TRAPPC9: variants seen among roughly 807,000 people sequenced by gnomAD.
TRAPPC9 encodes IKK2 binding protein.
TRAPPC9 carries 83 observed loss-of-function variants against 124.0 expected under a neutral mutation model. That is an observed-to-expected ratio of 0.67 (90% CI 0.56 to 0.80). The LOEUF (loss-of-function observed/expected upper bound fraction) is 0.80, where lower values mean the gene tolerates loss of function less well. Among genes scored for constraint, TRAPPC9 ranks in the 30% least tolerant of loss-of-function variants. TRAPPC9 has a pLI of 0.00. For synonymous variants in TRAPPC9, 638 were observed against 617.5 expected, an observed-to-expected ratio of 1.03 and a Z score of -0.49; for missense variants, 1,302 against 1,508.3, an observed-to-expected ratio of 0.86 and a Z score of 2.27.
intron 19 of TRAPPC9, among the ~76,000 whole-genome samples, chr8:139,979,783 G>A (rs912501029): frequency 2.0e-5 from 3 of 152,182 alleles, no homozygotes; most frequent in African/African-American, 7.2e-5. Context: ...ACAGGACAGT[G>A]CCCCTCACAG....
chr8:140,187,531 C>T (rs2062379960), intron 17 of TRAPPC9, among the ~76,000 whole-genome samples: 1 of 152,170 alleles, frequency 6.6e-6, no homozygotes, highest in African/African-American at 2.4e-5. Context: ...AATTCCAGTT[C>T]TTCACTTGGA....
chr8:140,338,316 T>C (rs916586801), intron 9 of TRAPPC9, among the ~76,000 whole-genome samples: 1 of 152,178 alleles, frequency 6.6e-6, no homozygotes, highest in African/African-American at 2.4e-5. Flanking sequence ...ACATTTCATA[T>C]GTGTCCGCTC....
At chr8:140,033,661 T>TTTTTTTG (rs1840658880) in intron 17 of TRAPPC9, among the ~76,000 whole-genome samples, 1 of 30,986 alleles carries the variant, frequency 3.2e-5, no homozygotes, top group African/African-American at 3.9e-4. Flanking sequence ...TAATGTGGTT[T>TTTTTTTG]TTTTTTTTTT....
intron 17 of TRAPPC9, among the ~76,000 whole-genome samples, chr8:140,150,245 C>T (rs1349482308): frequency 6.6e-6 from 1 of 152,164 alleles, no homozygotes; most frequent in Non-Finnish European, 1.5e-5. Flanking sequence ...GCCAGGAGCT[C>T]GAGACCAGCC....
rs959131870 is a variant in TRAPPC9, at chr8:139,988,775, T to C, written c.2761A>G (p.Ser921Gly). Residue 921 changes from serine to glycine, a missense_variant, in exon 19 of 23, where the codon AGC (serine) becomes GGC (glycine). Physicochemically the swap from Ser to Gly is moderately conservative, Grantham distance 56 (BLOSUM62 0). Around this residue, in one of 3 missense-constraint regions of TRAPPC9, gnomAD observed 640 missense variants for 679.3 expected, o/e 0.94. Transcript: ENST00000438773. ...FNSTEHELTV[S>G]TRSSEALILH... ...ATGAGTGCCTCGCTGCTCCTGGTGC[T>C]GACGGTCAGCTCATGCTCGGTGGAG... The C allele has an allele frequency of 5.8e-6, 9 of 1,551,518 alleles. No homozygotes were observed. The highest frequency in any genetic ancestry group is 7.8e-6 in the Non-Finnish European group (9 of 1,146,994).
rs544926613 is a variant in TRAPPC9 at position 139,993,831 on chromosome 8, C to T, written c.2700-4995G>A. Among the ~76,000 whole-genome samples the T allele has an allele frequency of 1.8e-4, 27 of 152,112 alleles. No individual in the cohort carries two copies. In the South Asian group the frequency reaches 4.6e-3, roughly 26 times the overall value. ...AAATTTTAAAATATGTTTTAAAATA[C>T]TCGATATTATCTATAAATATCAAAT... On this transcript the variant is annotated intron_variant, in intron 18 of 22. Coordinates refer to ENST00000438773, the MANE Select transcript of TRAPPC9 (RefSeq NM_001160372.4).
At chr8:140,312,758 C>CTTTT (rs553049081) in intron 9 of TRAPPC9, among the ~76,000 whole-genome samples, 4 of 98,578 alleles carry the variant, frequency 4.1e-5, no homozygotes, top group East Asian at 2.2e-4. Context: ...TCTTCTTCTT[C>CTTTT]TTTTTTTTTT....
At chr8:140,332,082 T>C (rs912245609) in intron 9 of TRAPPC9, among the ~76,000 whole-genome samples, 3 of 152,048 alleles carry the variant, frequency 2.0e-5, no homozygotes, top group African/African-American at 7.2e-5. Flanking sequence ...CAAGTGACCA[T>C]CAATAGAGGA....
intron 17 of TRAPPC9, among the ~76,000 whole-genome samples, chr8:140,058,429 C>A (rs1376603048): frequency 6.6e-6 from 1 of 152,206 alleles, no homozygotes; most frequent in Non-Finnish European, 1.5e-5. Context: ...TATGAACTGT[C>A]CTCAACTATT....
chr8:140,079,481 G>A (rs1444480496), intron 17 of TRAPPC9, among the ~76,000 whole-genome samples: 13 of 152,152 alleles, frequency 8.5e-5, no homozygotes, highest in African/African-American at 2.4e-4. Context: ...CACAAGCAGC[G>A]GCTCCAGCAG....
chr8:139,756,397 GT>G (rs113588408), intron 21 of TRAPPC9, among the ~76,000 whole-genome samples: 4,402 of 122,382 alleles, frequency 0.036, 339 homozygotes, highest in African/African-American at 0.071. Context: ...CAGGGTTGGG[GT>G]ATAAGGACAG....
Position 140,283,529 on chromosome 8 carries a change from C to G in TRAPPC9, c.2114+360G>C, listed in dbSNP as rs534301404. Among the ~76,000 whole-genome samples the G allele has an allele frequency of 5.9e-5, 9 of 151,326 alleles. No homozygotes were observed. The East Asian group carries it at 1.8e-3, about 30-fold the overall frequency. The stretch of plus-strand genomic sequence containing the variant: ...AGCCAGGATGGTCTCAATATCCTGA[C>G]CTTGTGATCCACCCGCCTCGGTCTT... On this transcript the variant is annotated intron_variant, in intron 14 of 22. Transcript: ENST00000438773.
At chr8:140,000,930 C>T (rs1372259871) in intron 18 of TRAPPC9, among the ~76,000 whole-genome samples, 2 of 152,190 alleles carry the variant, frequency 1.3e-5, no homozygotes, top group Non-Finnish European at 2.9e-5. Flanking sequence ...GACACATGCA[C>T]ACGTATGTTT....
intron 15 of TRAPPC9, among the ~76,000 whole-genome samples, chr8:140,265,390 GC>G (rs1313021252): frequency 6.6e-6 from 1 of 152,182 alleles, no homozygotes; most frequent in Admixed American, 6.5e-5. Flanking sequence ...CCCCTCTGAT[GC>G]CAACCAACCA....
chr8:139,900,128 C>G (rs2131213086), intron 20 of TRAPPC9, among the ~76,000 whole-genome samples: 1 of 152,332 alleles, frequency 6.6e-6, no homozygotes, highest in South Asian at 2.1e-4. Flanking sequence ...CCCAACACCC[C>G]AGCACAATCC....
intron 21 of TRAPPC9, among the ~76,000 whole-genome samples, chr8:139,738,482 G>A (rs1818346153): frequency 6.6e-6 from 1 of 152,208 alleles, no homozygotes; most frequent in Admixed American, 6.5e-5. Flanking sequence ...AATGGCGTCA[G>A]GAGAGTCCTT....
chr8:139,938,874 T>C (rs879092529), intron 19 of TRAPPC9, among the ~76,000 whole-genome samples: 3 of 151,792 alleles, frequency 2.0e-5, no homozygotes, highest in African/African-American at 7.3e-5. Flanking sequence ...CTCGATCTCC[T>C]GACCTCATGA....
chr8:140,371,846 A>G, intron 7 of TRAPPC9, among the ~76,000 whole-genome samples: 1 of 152,076 alleles, frequency 6.6e-6, no homozygotes, highest in Non-Finnish European at 1.5e-5. Context: ...TGAGATTACA[A>G]GCACCCACCC....
intron 21 of TRAPPC9, among the ~76,000 whole-genome samples, chr8:139,866,983 C>T (rs1341386438): frequency 1.3e-5 from 2 of 152,114 alleles, no homozygotes; most frequent in Non-Finnish European, 2.9e-5. Context: ...TATAAGCACC[C>T]ACCACCACAG....
Sources: allele counts gnomAD v4.1 joint callset (sites outside exome capture counted in the v4.1 genomes callset), GRCh38; gene constraint gnomAD v4.1.1; regional missense constraint gnomAD v4.1.1; transcripts MANE v1.5; gene names NCBI Gene and HGNC (gene_info 2026-07-23, HGNC 2026-07-21).